Variants in ROBO2 observed in about 807,000 individuals in gnomAD.
ROBO2 encodes the protein roundabout guidance receptor 2.
A neutral mutation model predicts 160.8 loss-of-function variants in ROBO2; 53 were observed. That is an observed-to-expected ratio of 0.33 (90% CI 0.26 to 0.41). The LOEUF is 0.41. Among genes scored for constraint, ROBO2 ranks in the 10% least tolerant of loss-of-function variants. The pLI is 1.00. For synonymous variants in ROBO2, 664 were observed against 611.7 expected (o/e 1.09, Z -1.26); for missense variants, 1,577 against 1,722.4 (o/e 0.92, Z 1.49).
At chr3:77,388,561 A>G (rs2074375072) in intron 2 of ROBO2, among the ~76,000 whole-genome samples, 1 of 152,110 alleles carries the variant, frequency 6.6e-6, no homozygotes, top group African/African-American at 2.4e-5. Flanking sequence ...ATTATTTTAA[A>G]AATTAAAGGC....
intron 2 of ROBO2, among the ~76,000 whole-genome samples, chr3:76,488,824 T>C (rs1015457776): frequency 3.9e-5 from 6 of 152,070 alleles, no homozygotes; most frequent in Non-Finnish European, 8.8e-5. Context: ...TTTATTGAAA[T>C]CACCTACATT....
intron 2 of ROBO2, among the ~76,000 whole-genome samples, chr3:76,459,289 C>CGA (rs376148092): frequency 9.3e-5 from 14 of 150,144 alleles, no homozygotes; most frequent in East Asian, 2.0e-4. Context: ...ACATATATAG[C>CGA]GAGAGAGAGA....
At chr3:76,348,661 CGAGGTACAA>C (rs2108263067) in intron 2 of ROBO2, among the ~76,000 whole-genome samples, 1 of 152,232 alleles carries the variant, frequency 6.6e-6, no homozygotes, top group South Asian at 2.1e-4. Flanking sequence ...CATCCCACAT[CGAGGTACAA>C]CCAATTATGT....
At chr3:76,595,393 G>GT (rs1553820745) in intron 2 of ROBO2, among the ~76,000 whole-genome samples, 1 of 151,882 alleles carries the variant, frequency 6.6e-6, no homozygotes, top group Non-Finnish European at 1.5e-5. Context: ...GTTATTTTGT[G>GT]TAAGTATAAC....
At chr3:76,497,501 C>T (rs138466707) in intron 2 of ROBO2, among the ~76,000 whole-genome samples, 15 of 152,292 alleles carry the variant, frequency 9.8e-5, no homozygotes, top group Non-Finnish European at 2.1e-4. Context: ...GGGCAATGTC[C>T]CATTTTTAAA....
At chr3:75,991,527 C>T (rs2065570255) in intron 2 of ROBO2, among the ~76,000 whole-genome samples, 1 of 152,134 alleles carries the variant, frequency 6.6e-6, no homozygotes, top group African/African-American at 2.4e-5. Context: ...ACTGTGAGGC[C>T]TCCCCAGGCA....
chr3:77,495,475 C>T (rs2086667920), intron 5 of ROBO2, among the ~76,000 whole-genome samples: 1 of 152,170 alleles, frequency 6.6e-6, no homozygotes, highest in African/African-American at 2.4e-5. Flanking sequence ...CCTCTTTCTA[C>T]TCCAAGTCCA....
At chr3:76,664,159 T>A (rs1343024315) in intron 2 of ROBO2, among the ~76,000 whole-genome samples, 2 of 152,076 alleles carry the variant, frequency 1.3e-5, no homozygotes, top group African/African-American at 4.8e-5. Flanking sequence ...CAGGCAACAT[T>A]GTGTAAAAGG....
rs113787440 is a variant in ROBO2, at chr3:75,910,126, A to G, written c.-14+3166A>G. Reference sequence around the variant, plus strand: ...TTAGTACAGGGCTGCTCCAGTGATCAGAGTCATTAATGCCCTGGAGTTTCT... The same window carrying G: ...TTAGTACAGGGCTGCTCCAGTGATCGGAGTCATTAATGCCCTGGAGTTTCT... On this transcript the variant is annotated intron_variant, in intron 1 of 26. Transcript: ENST00000487694. Among the ~76,000 whole-genome samples, 165 of 152,314 alleles carry G rather than the reference A, an allele frequency of 1.1e-3. 2 individuals are homozygous for G. Among genetic ancestry groups the G allele is most frequent in the African/African-American group, 3.7e-3 (153 of 41,588 alleles).
At chr3:77,293,465 G>A (rs1467723382) in intron 2 of ROBO2, among the ~76,000 whole-genome samples, 20 of 147,852 alleles carry the variant, frequency 1.4e-4, no homozygotes, top group East Asian at 7.9e-4. Context: ...TAAAATTGAC[G>A]GTTAAATGGG....
chr3:77,513,110 A>G (rs546610263), intron 5 of ROBO2, among the ~76,000 whole-genome samples: 2 of 152,026 alleles, frequency 1.3e-5, no homozygotes, highest in East Asian at 1.9e-4. Flanking sequence ...ACATAATTCA[A>G]ACAAGGTGAT....
At chr3:77,473,947 T>A (rs1248278500) in intron 2 of ROBO2, among the ~76,000 whole-genome samples, 1 of 152,080 alleles carries the variant, frequency 6.6e-6, no homozygotes, top group Admixed American at 6.6e-5. Flanking sequence ...CATCTCTCAA[T>A]CCTCTGTGTC....
At chr3:77,495,989 A>G (rs1336908674) in intron 5 of ROBO2, among the ~76,000 whole-genome samples, 1 of 152,208 alleles carries the variant, frequency 6.6e-6, no homozygotes, top group Non-Finnish European at 1.5e-5. Context: ...TGCCAAATTC[A>G]TTTGCTTCAA....
intron 2 of ROBO2, among the ~76,000 whole-genome samples, chr3:76,467,134 G>T (rs947090184): frequency 6.6e-6 from 1 of 152,022 alleles, no homozygotes; most frequent in Non-Finnish European, 1.5e-5. Context: ...GAAAAAACTT[G>T]TGTTAGATGT....
chr3:76,688,560 A>G (rs1457161595), intron 2 of ROBO2, among the ~76,000 whole-genome samples: 3 of 151,306 alleles, frequency 2.0e-5, no homozygotes, highest in Non-Finnish European at 2.9e-5. Context: ...AAAGGAAGGT[A>G]ATGAAAGTCT....
At chr3:76,295,084 A>G (rs552659844) in intron 2 of ROBO2, among the ~76,000 whole-genome samples, 2 of 152,280 alleles carry the variant, frequency 1.3e-5, no homozygotes, top group East Asian at 1.9e-4. Context: ...CAGCTCAGGT[A>G]AAGAGGCTTT....
At chr3:75,919,955 C>T (rs1195582001) in intron 1 of ROBO2, among the ~76,000 whole-genome samples, 3 of 152,078 alleles carry the variant, frequency 2.0e-5, no homozygotes, top group African/African-American at 2.4e-5. Flanking sequence ...GGCTACCGGT[C>T]TATCTATTTT....
chr3:76,524,093 T>G (rs1041454649), intron 2 of ROBO2, among the ~76,000 whole-genome samples: 2 of 151,948 alleles, frequency 1.3e-5, no homozygotes, highest in African/African-American at 4.8e-5. Flanking sequence ...ATAATACTAT[T>G]TTAACTTTTA....
chr3:76,873,742 C>T (rs1577175834), intron 2 of ROBO2, among the ~76,000 whole-genome samples: 1 of 152,064 alleles, frequency 6.6e-6, no homozygotes, highest in Non-Finnish European at 1.5e-5. Context: ...ACAATGGTGG[C>T]GTCAACACAA....
Sources: gnomAD v4.1 joint callset for allele counts (sites outside exome capture counted in the v4.1 genomes callset) on GRCh38, gnomAD v4.1.1 for gene constraint, MANE v1.5 for transcripts, NCBI Gene and HGNC (gene_info 2026-07-23, HGNC 2026-07-21) for gene names.